C11orf65: variants seen among roughly 807,000 people sequenced by gnomAD.
C11orf65 encodes the protein protein MFI.
Under a neutral mutation model 35.3 loss-of-function variants are expected in C11orf65, and 38 were observed. That is an observed-to-expected ratio of 1.08 (90% confidence interval 0.83 to 1.41). C11orf65 has a LOEUF of 1.41. Ranked by LOEUF, C11orf65 falls within the 40% of genes most tolerant of loss-of-function variation. C11orf65 has a pLI of 0.00. For missense variants in C11orf65, 370 were observed against 367.1 expected (o/e 1.01, Z -0.06); for synonymous variants, 105 against 114.4 (o/e 0.92, Z 0.53).
chr11:108,320,089 T>C, intron 6 of C11orf65: 1 of 1,456,656 alleles, frequency 6.9e-7, no homozygotes, highest in Non-Finnish European at 9.6e-7. Flanking sequence ...TACTGTATTT[T>C]AACATTTAAT....
At position 108,365,389 on chromosome 11, in the gene C11orf65, A is replaced by G. The variant is rs2091243577; in HGVS notation, c.226+27819T>C. 1 of 1,614,200 alleles carries G rather than the reference A, an allele frequency of 6.2e-7. No individual in the cohort carries two copies. The highest frequency in any genetic ancestry group is 8.5e-7 in the Non-Finnish European group (1 of 1,180,030). On this transcript the variant is annotated intron_variant, in intron 2 of 3. Transcript: ENST00000524755. The stretch of plus-strand genomic sequence containing the variant: ...CTTAATGAGACTACAAGAGAAACTG[A>G]AAGGAGTGGAAGAAGGCACTGTGCT...
downstream of C11orf65, among the ~76,000 whole-genome samples, chr11:108,377,971 G>A (rs1055148350): frequency 1.1e-4 from 16 of 151,072 alleles, no homozygotes; most frequent in African/African-American, 1.9e-4. Flanking sequence ...ACTGCTCAAC[G>A]AAATAAAAGA....
intron 2 of C11orf65, among the ~76,000 whole-genome samples, chr11:108,364,918 T>C (rs1265862515): frequency 6.6e-6 from 1 of 152,246 alleles, no homozygotes; most frequent in Non-Finnish European, 1.5e-5. Context: ...AGCATTATGC[T>C]AGGATAGTTT....
chr11:108,446,066 A>C (rs2093251916), intron 2 of C11orf65, among the ~76,000 whole-genome samples: 1 of 152,118 alleles, frequency 6.6e-6, no homozygotes, highest in African/African-American at 2.4e-5. Context: ...ATGAAGTGAG[A>C]AGGGAAGTTT....
At chr11:108,354,050 T>TA (rs1232618747) in intron 2 of C11orf65, among the ~76,000 whole-genome samples, 7 of 132,476 alleles carry the variant, frequency 5.3e-5, no homozygotes, top group Non-Finnish European at 9.5e-5. Context: ...ACCCTGTATC[T>TA]AAAAAAATAC....
At chr11:108,430,374 C>T (rs1352249320) in intron 3 of C11orf65, among the ~76,000 whole-genome samples, 4 of 149,630 alleles carry the variant, frequency 2.7e-5, no homozygotes, top group South Asian at 2.1e-4. Flanking sequence ...CTCCTGACCT[C>T]GTGATCCGCC....
At position 108,365,588 on chromosome 11, in the gene C11orf65, TTAAG is replaced by T. The variant is rs1196722258; in HGVS notation, c.226+27616_226+27619del. ...TTTATTTTTAACCTGCCAACATACT[TTAAG>T]TAGGGATTAATATTTAAGTGAACTA... On this transcript the variant is annotated intron_variant, in intron 2 of 3. Coordinates refer to the C11orf65 transcript ENST00000524755. The T allele has an allele frequency of 4.7e-6, 7 of 1,479,654 alleles. No homozygotes were observed. In the African/African-American group the frequency reaches 5.6e-5, roughly 12 times the overall value. The allele number at this position is 1,479,654 out of a possible 1,614,324, so 91.7% of individuals were successfully genotyped here. A position where few individuals can be genotyped will look rare whatever the true frequency, so the allele number is the denominator to read the frequency against.
At chr11:108,357,265 T>G (rs921693424) in intron 2 of C11orf65, among the ~76,000 whole-genome samples, 1 of 152,170 alleles carries the variant, frequency 6.6e-6, no homozygotes, top group Non-Finnish European at 1.5e-5. Flanking sequence ...ACCACGAGAT[T>G]ATATCCCGCA....
At chr11:108,464,653 C>T (rs1341241650) in intron 1 of C11orf65, among the ~76,000 whole-genome samples, 1 of 152,110 alleles carries the variant, frequency 6.6e-6, no homozygotes, top group South Asian at 2.1e-4. Flanking sequence ...AGCCACTGCG[C>T]CTGGTGCACA....
intron 6 of C11orf65, among the ~76,000 whole-genome samples, chr11:108,310,516 C>T (rs1228379477): frequency 1.3e-5 from 2 of 152,006 alleles, no homozygotes; most frequent in East Asian, 3.8e-4. Context: ...ATGCTTATTA[C>T]TTAGGTATTA....
At chr11:108,327,207 G>T (rs1441309508), downstream of C11orf65, among the ~76,000 whole-genome samples, 2 of 152,150 alleles carry the variant, frequency 1.3e-5, no homozygotes, top group African/African-American at 4.8e-5. Context: ...AAAGCACTGA[G>T]TGCCAATATG....
chr11:108,309,485 T>C (rs573341270), intron 6 of C11orf65, among the ~76,000 whole-genome samples: 1 of 152,292 alleles, frequency 6.6e-6, no homozygotes, highest in South Asian at 2.1e-4. Context: ...GTTTAAGAAG[T>C]TAAGTTGCTG....
intron 2 of C11orf65, among the ~76,000 whole-genome samples, chr11:108,374,363 T>C (rs1311471883): frequency 7.3e-6 from 1 of 137,396 alleles, no homozygotes; most frequent in Non-Finnish European, 1.6e-5. Context: ...CCGCTGCTGA[T>C]ACCCAGGTAA....
chr11:108,355,021 T>C, intron 2 of C11orf65: 2 of 698,752 alleles, frequency 2.9e-6, no homozygotes, highest in South Asian at 1.7e-5. Context: ...ATTGTGCACT[T>C]AGCCTTTTCA....
intron 1 of C11orf65, among the ~76,000 whole-genome samples, chr11:108,463,191 A>G (rs551675202): frequency 2.0e-5 from 3 of 152,364 alleles, no homozygotes; most frequent in African/African-American, 7.2e-5. Context: ...AAGGATTTAC[A>G]AATCCCAAAG....
At chr11:108,342,680 T>C (rs1429461246) in intron 2 of C11orf65, among the ~76,000 whole-genome samples, 1 of 152,236 alleles carries the variant, frequency 6.6e-6, no homozygotes, top group Non-Finnish European at 1.5e-5. Context: ...ACTTTATGTA[T>C]GTTTATAATA....
intron 2 of C11orf65, among the ~76,000 whole-genome samples, chr11:108,438,256 G>C (rs2093095285): frequency 6.6e-6 from 1 of 152,104 alleles, no homozygotes; most frequent in South Asian, 2.1e-4. Context: ...AAATCAAAAT[G>C]GATCAAAGAT....
chr11:108,361,070 CCTT>C (rs2090684839), intron 2 of C11orf65, among the ~76,000 whole-genome samples: 2 of 115,788 alleles, frequency 1.7e-5, no homozygotes, highest in Admixed American at 1.9e-4. Flanking sequence ...CCCAAAATCT[CCTT>C]AAGCTGATAA....
chr11:108,448,599 A>C (rs1009476826), intron 2 of C11orf65, among the ~76,000 whole-genome samples: 1 of 152,208 alleles, frequency 6.6e-6, no homozygotes, highest in Non-Finnish European at 1.5e-5. Flanking sequence ...TCATGCTAAA[A>C]ACTCTCAATA....
Sources: gnomAD v4.1 joint callset for allele counts (sites outside exome capture counted in the v4.1 genomes callset) on GRCh38, gnomAD v4.1.1 for gene constraint, MANE v1.5 for transcripts, NCBI Gene and HGNC (gene_info 2026-07-23, HGNC 2026-07-21) for gene names.